CMA1: variants seen among roughly 807,000 people sequenced by gnomAD.
CMA1 encodes chymase.
A neutral mutation model predicts 18.8 loss-of-function variants in CMA1; 24 were observed. The observed-to-expected ratio is 1.28, with a 90% CI of 0.92 to 1.80. CMA1 has a LOEUF of 1.80. Among genes scored for constraint, CMA1 ranks in the 40% most tolerant of loss-of-function variants. The pLI is 0.00. For missense variants in CMA1, 421 were observed against 302.8 expected, an observed-to-expected ratio of 1.39 and a Z score of -2.90; for synonymous variants, 152 against 117.0, an observed-to-expected ratio of 1.30 and a Z score of -1.93.
chr14:24,508,136 G>A (rs759099642), intron 1 of CMA1, 42 bp downstream of exon 1: 28 of 1,562,842 alleles, frequency 1.8e-5, no homozygotes, highest in Non-Finnish European at 2.5e-5. Context: ...TGTTTCAGGA[G>A]CTGATACTGC....
At chr14:24,506,877 C>A (rs1484907635) in intron 2 of CMA1, among the ~76,000 whole-genome samples, 3 of 152,162 alleles carry the variant, frequency 2.0e-5, no homozygotes. Context: ...TTCACACTTC[C>A]TAATTCAGGG....
rs765509983 is a variant in CMA1 at position 24,505,585 on chromosome 14, C to T, written c.675G>A (p.Lys225=). ...AGATTCGGGTGAAGACAGCAGGGGG[C>T]TTTGCATCCGACCGTCCATAGGATA... ...GIVSYGRSDA[K]PPAVFTRISH... Residue 225 remains lysine (K), a synonymous_variant, in exon 5 of 5, where the codon AAG becomes AAA. Coordinates refer to ENST00000250378, the MANE Select transcript of CMA1 (RefSeq NM_001836.5). The T allele has an allele frequency of 6.2e-7, 1 of 1,614,032 alleles. No homozygotes were observed. The highest frequency in any genetic ancestry group is 8.5e-7 in the Non-Finnish European group (1 of 1,180,016).
chr14:24,507,355 C>G lies in CMA1; in HGVS notation c.209+1G>C, dbSNP rs150310098. 2.2e-4 allele frequency: 359 copies of G among 1,614,108 alleles called. 2 individuals carry two copies. In the East Asian group the frequency reaches 7.3e-3, roughly 33 times the overall value. On this transcript the variant is annotated splice_donor_variant, in intron 2 of 4. Coordinates refer to ENST00000250378, the MANE Select transcript of CMA1 (RefSeq NM_001836.5). LOFTEE classifies it high-confidence loss of function. ...GAGATAAATAGACCCTGTTGTCTCACCTTCCTGCACAATGAGCAGCCGTCA... is the reference window on the plus strand; with the variant it reads ...GAGATAAATAGACCCTGTTGTCTCAGCTTCCTGCACAATGAGCAGCCGTCA...
Position 24,505,668 on chromosome 14 carries a change from G to C in CMA1, c.601-9C>G. 6.3e-7 allele frequency: 1 copy of C among 1,594,334 alleles called. No individual in the cohort carries two copies. The highest frequency in any genetic ancestry group is 8.5e-7 in the Non-Finnish European group (1 of 1,171,202). ...GGGCCCCCAGAGTCTCCCTGTAGGGGGAGGAGAGAGAGAAGAAGGTGAGCC... is the reference window on the plus strand; with the variant it reads ...GGGCCCCCAGAGTCTCCCTGTAGGGCGAGGAGAGAGAGAAGAAGGTGAGCC... On this transcript the variant is annotated splice_polypyrimidine_tract_variant and intron_variant, in intron 4 of 4. Coordinates refer to ENST00000250378, the MANE Select transcript of CMA1 (RefSeq NM_001836.5).
intron 1 of CMA1, 166 bp downstream of exon 1, chr14:24,508,012 G>T (rs545522241): frequency 1.6e-6 from 1 of 630,552 alleles, no homozygotes; most frequent in Non-Finnish European, 2.8e-6. Context: ...ATGGCAGTGG[G>T]TGGGGGTGGG....
intron 2 of CMA1, 132 bp from the exon 3 acceptor site, chr14:24,506,736 A>G (rs939052231): frequency 4.0e-5 from 44 of 1,092,254 alleles, no homozygotes; most frequent in Non-Finnish European, 5.5e-5. Flanking sequence ...CTCCCTTTTC[A>G]TGGGCCACTT....
chr14:24,506,896 A>T (rs568713296), intron 2 of CMA1, among the ~76,000 whole-genome samples: 13 of 152,224 alleles, frequency 8.5e-5, no homozygotes, highest in Non-Finnish European at 1.9e-4. Flanking sequence ...GGAACCCTGC[A>T]TGAGGGCCAG....
chr14:24,507,637 C>T (rs2043869970), intron 1 of CMA1, 131 bp from the exon 2 acceptor site: 8 of 1,017,134 alleles, frequency 7.9e-6, no homozygotes, highest in Non-Finnish European at 1.2e-5. Flanking sequence ...CATCTTCCCT[C>T]TCCTGTCTCC....
In CMA1 at chr14:24,506,522, G is replaced by A. The variant is rs373680973; in HGVS notation, c.292C>T (p.Arg98Cys). ...WQKLEVIKQF[R>C]HPKYNTSTLH... ...GTAGAAGTGTTATATTTTGGATGACGGAATTGCTTTATAACCTCAAGCTTC... is the reference window on the plus strand; with the variant it reads ...GTAGAAGTGTTATATTTTGGATGACAGAATTGCTTTATAACCTCAAGCTTC... Residue 98 changes from arginine to cysteine, a missense_variant, in exon 3 of 5, where the codon CGT becomes TGT. Arg to Cys is a radical substitution (Grantham distance 180, BLOSUM62 -3). Coordinates refer to ENST00000250378, the MANE Select transcript of CMA1 (RefSeq NM_001836.5). The A allele has an allele frequency of 8.1e-6, 13 of 1,613,986 alleles. No homozygotes were observed. Among genetic ancestry groups the A allele is most frequent in the Admixed American group, 3.3e-5 (2 of 59,990 alleles).
intron 4 of CMA1, 53 bp downstream of exon 4, chr14:24,505,975 A>G (rs199514255): frequency 6.3e-7 from 1 of 1,596,172 alleles, no homozygotes; most frequent in Non-Finnish European, 8.5e-7. Flanking sequence ...TTCTAAGAGC[A>G]TTCTGGTCCC....
chr14:24,506,046 CT>C lies in CMA1; in HGVS notation c.581del (p.Lys194ArgfsTer59), dbSNP rs2043850896. The C allele has an allele frequency of 3.1e-6, 5 of 1,614,188 alleles. No homozygotes were observed. Among genetic ancestry groups the C allele is most frequent in the African/African-American group, 2.7e-5 (2 of 75,056 alleles). ...NLQLCVGNPR[K>X]TKSAFKGDSG... ...GGATCACCTTAAATGCAGATTTTGT[CT>C]TCCTGGGATTGCCCACACACAGCTG... On this transcript the variant is annotated frameshift_variant, in exon 4 of 5. Coordinates refer to ENST00000250378, the MANE Select transcript of CMA1 (RefSeq NM_001836.5). LOFTEE classifies it low-confidence loss of function (END_TRUNC).
At chr14:24,507,606 A>T (rs2043869650) in intron 1 of CMA1, 100 bp from the exon 2 acceptor site, 8 of 1,360,866 alleles carry the variant, frequency 5.9e-6, no homozygotes, top group Non-Finnish European at 7.1e-6. Flanking sequence ...CTGGAATCTC[A>T]TTCTCACCCT....
chr14:24,508,264 C>T lies in CMA1; in HGVS notation c.-29G>A. On this transcript the variant is annotated 5_prime_UTR_variant, in exon 1 of 5. Transcript: ENST00000250378. The stretch of plus-strand genomic sequence containing the variant: ...CCCAGAGAGGCTGCCTGAGCAAATG[C>T]TGGTTTTCCTTTCCAGTCTTGGGTT... 1 of 1,604,502 alleles carries T rather than the reference C, an allele frequency of 6.2e-7. No homozygotes were observed. The highest frequency in any genetic ancestry group is 1.1e-5 in the South Asian group (1 of 89,434).
At chr14:24,506,444 A>G in intron 3 of CMA1, 25 bp downstream of exon 3, 1 of 1,613,396 alleles carries the variant, frequency 6.2e-7, no homozygotes, top group Non-Finnish European at 8.5e-7. Flanking sequence ...TGGGAAGTGG[A>G]AAGGGAGAAG....
At chr14:24,505,856 G>A (rs1366370114) in intron 4 of CMA1, among the ~76,000 whole-genome samples, 172 bp downstream of exon 4, 2 of 152,158 alleles carry the variant, frequency 1.3e-5, no homozygotes, top group Non-Finnish European at 2.9e-5. Context: ...CATGCCCCCA[G>A]TGCAGTAGAC....
intron 2 of CMA1, 91 bp from the exon 3 acceptor site, chr14:24,506,695 C>T (rs2138398327): frequency 2.0e-6 from 3 of 1,498,454 alleles, no homozygotes; most frequent in Admixed American, 2.0e-5. Flanking sequence ...GAGGACTAAA[C>T]TCTGTCACTG....
At position 24,508,186 on chromosome 14, in the gene CMA1, G is replaced by A. The variant is rs374563696; in HGVS notation, c.50C>T (p.Ala17Val). 3 of 1,613,806 alleles carry A rather than the reference G, an allele frequency of 1.9e-6. No individual in the cohort carries two copies. The highest frequency in any genetic ancestry group is 3.3e-5 in the Admixed American group (2 of 59,998). Residue 17 changes from alanine (A) to valine (V), a missense_variant, in exon 1 of 5, where the codon GCT (alanine) becomes GTT (valine). Physicochemically the swap from Ala to Val is moderately conservative, Grantham distance 64. Coordinates refer to ENST00000250378, the MANE Select transcript of CMA1 (RefSeq NM_001836.5). Reference protein sequence around the residue: ...PLLLFLLCSRAEAGEIIGGTE... With the variant: ...PLLLFLLCSRVEAGEIIGGTE... Reference sequence around the variant, plus strand: ...AGAACCCTGATACTCACCAGCTTCAGCTCTGGAGCACAAGAGAAAGAGCAG... The same window carrying A: ...AGAACCCTGATACTCACCAGCTTCAACTCTGGAGCACAAGAGAAAGAGCAG...
intron 2 of CMA1, 89 bp downstream of exon 2, chr14:24,507,267 C>T: frequency 4.0e-6 from 6 of 1,496,964 alleles, no homozygotes; most frequent in Non-Finnish European, 5.6e-6. Context: ...CCCAGGACCC[C>T]CTCTTCAGTC....
At chr14:24,506,646 G>A (rs776959761) in intron 2 of CMA1, 42 bp from the exon 3 acceptor site, 92 of 1,607,788 alleles carry the variant, frequency 5.7e-5, no homozygotes, top group Non-Finnish European at 7.6e-5. Flanking sequence ...GACAGTGATG[G>A]CTTGGGGTTT....
Sources: gnomAD v4.1 joint callset for allele counts (sites outside exome capture counted in the v4.1 genomes callset) on GRCh38, gnomAD v4.1.1 for gene constraint, MANE v1.5 for transcripts, NCBI Gene and HGNC (gene_info 2026-07-23, HGNC 2026-07-21) for gene names.